RAB27A: variants seen among roughly 807,000 people sequenced by gnomAD.
RAB27A encodes the protein ras-related protein Rab-27A.
A neutral mutation model predicts 20.8 loss-of-function variants in RAB27A; 17 were observed. The observed-to-expected ratio is 0.82, with a 90% CI of 0.56 to 1.23. The LOEUF is 1.23. Ranked by LOEUF, RAB27A falls within the 50% of genes most tolerant of loss-of-function variation. The pLI, the probability that RAB27A is intolerant of heterozygous loss-of-function variation, is 0.00. For missense variants in RAB27A, 277 were observed against 266.7 expected, an observed-to-expected ratio of 1.04 and a Z score of -0.27; for synonymous variants, 85 against 92.8, an observed-to-expected ratio of 0.92 and a Z score of 0.48.
At chr15:55,299,544 G>GAT (rs1012323644) in intron 2 of RAB27A, among the ~76,000 whole-genome samples, 14 of 143,284 alleles carry the variant, frequency 9.8e-5, no homozygotes, top group Non-Finnish European at 3.0e-5. Flanking sequence ...AGTGAGCCAA[G>GAT]ATCACACCAC....
At chr15:55,298,118 T>A (rs1167349716) in intron 2 of RAB27A, among the ~76,000 whole-genome samples, 1 of 149,296 alleles carries the variant, frequency 6.7e-6, no homozygotes, top group South Asian at 2.1e-4. Context: ...GGCAGGAGAA[T>A]GGTGTGAACC....
intron 2 of RAB27A, among the ~76,000 whole-genome samples, chr15:55,296,235 G>A (rs113292541): frequency 4.0e-5 from 6 of 151,230 alleles, no homozygotes; most frequent in East Asian, 4.1e-4. Flanking sequence ...GGCCTGACGC[G>A]GTGGCTCACA....
chr15:55,305,497 G>T (rs1421819835), intron 2 of RAB27A, among the ~76,000 whole-genome samples: 5 of 152,296 alleles, frequency 3.3e-5, no homozygotes, highest in Middle Eastern at 3.4e-3. Flanking sequence ...AAGATACAGG[G>T]TCCAAAGAGG....
At chr15:55,214,299 G>A (rs1308193174) in intron 6 of RAB27A, among the ~76,000 whole-genome samples, 2 of 152,224 alleles carry the variant, frequency 1.3e-5, no homozygotes, top group Non-Finnish European at 2.9e-5. Context: ...AGCCAGGCAT[G>A]GTGGTGGACG....
At chr15:55,313,877 G>A (rs531787897) in intron 2 of RAB27A, 1 of 152,464 alleles carries the variant, frequency 6.6e-6, no homozygotes, top group South Asian at 2.1e-4. Flanking sequence ...GGAGGCTGAG[G>A]CAGGAGAATA....
rs146928166 is a variant in RAB27A, at chr15:55,210,174, C to T, written c.468-4469G>A. ...ATGTATACATACACATACATATATA[C>T]GTACACACATATGTATGTGTGTATA... On this transcript the variant is annotated intron_variant, in intron 6 of 6. Coordinates refer to ENST00000336787, the MANE Select transcript of RAB27A (RefSeq NM_183235.3). Among the ~76,000 whole-genome samples, 528 of 142,718 alleles carry T rather than the reference C, an allele frequency of 3.7e-3. 5 individuals are homozygous for T. The highest frequency in any genetic ancestry group is 4.9e-3 in the Non-Finnish European group (321 of 66,046). 93.6% of individuals were successfully genotyped at this position (142,718 alleles called of 152,430 possible).
intron 1 of RAB27A, among the ~76,000 whole-genome samples, chr15:55,316,913 T>C (rs949400963): frequency 2.0e-5 from 3 of 152,288 alleles, no homozygotes; most frequent in East Asian, 3.9e-4. Flanking sequence ...TAAACCAATC[T>C]AACTGCAGGG....
chr15:55,315,788 G>A (rs900530894), intron 1 of RAB27A, among the ~76,000 whole-genome samples: 2 of 152,138 alleles, frequency 1.3e-5, no homozygotes, highest in African/African-American at 2.4e-5. Context: ...AAATACGAAC[G>A]CTTTTACACT....
intron 1 of RAB27A, among the ~76,000 whole-genome samples, chr15:55,278,689 A>G (rs1488673164): frequency 1.3e-5 from 2 of 151,980 alleles, no homozygotes; most frequent in Admixed American, 1.3e-4. Context: ...TCACCATGTT[A>G]GCCAGGATGG....
At chr15:55,265,516 G>A (rs1897440110) in intron 2 of RAB27A, among the ~76,000 whole-genome samples, 1 of 151,996 alleles carries the variant, frequency 6.6e-6, no homozygotes, top group South Asian at 2.1e-4. Context: ...TCACATGTCA[G>A]CCAAATAAGC....
At chr15:55,215,578 G>C (rs1264162505) in intron 6 of RAB27A, among the ~76,000 whole-genome samples, 1 of 147,994 alleles carries the variant, frequency 6.8e-6, no homozygotes, top group African/African-American at 2.6e-5. Context: ...CGTGAACCCG[G>C]GAAGCGGAGC....
chr15:55,222,870 TG>T (rs1164880212), intron 6 of RAB27A, among the ~76,000 whole-genome samples: 2 of 152,200 alleles, frequency 1.3e-5, no homozygotes, highest in Non-Finnish European at 2.9e-5. Flanking sequence ...AATTTACATA[TG>T]GGTTCTCATT....
chr15:55,299,981 C>T lies in RAB27A; in HGVS notation c.-112+14058G>A, dbSNP rs1166701026. 4.6e-5 allele frequency among the ~76,000 whole-genome samples: 7 copies of T among 151,942 alleles called. No individual in the cohort carries two copies. In the East Asian group the frequency reaches 7.8e-4, roughly 17 times the overall value. On this transcript the variant is annotated intron_variant, in intron 2 of 5. Transcript: ENST00000563262. ...GACTACAGGCGCCCGCCACCACACCCGGCTAATTTTTTGTATTTCTAGTAG... is the reference window on the plus strand; with the variant it reads ...GACTACAGGCGCCCGCCACCACACCTGGCTAATTTTTTGTATTTCTAGTAG...
intron 6 of RAB27A, among the ~76,000 whole-genome samples, chr15:55,218,759 T>TA (rs1895430016): frequency 6.6e-6 from 1 of 151,422 alleles, no homozygotes; most frequent in African/African-American, 2.4e-5. Flanking sequence ...TTTTTTTTTT[T>TA]AGAGGCAGAG....
intron 1 of RAB27A, among the ~76,000 whole-genome samples, chr15:55,272,442 G>A (rs1045403143): frequency 6.6e-6 from 1 of 152,148 alleles, no homozygotes; most frequent in Non-Finnish European, 1.5e-5. Flanking sequence ...GGGGGCTCAG[G>A]AGTCTGTATT....
chr15:55,303,958 G>A (rs945013243), intron 2 of RAB27A, among the ~76,000 whole-genome samples: 2 of 149,450 alleles, frequency 1.3e-5, no homozygotes, highest in Admixed American at 6.6e-5. Context: ...CTGTCTGGGA[G>A]GTGTGCCCAA....
intron 5 of RAB27A, among the ~76,000 whole-genome samples, chr15:55,227,940 A>C (rs920402998): frequency 2.0e-5 from 3 of 152,210 alleles, no homozygotes; most frequent in Non-Finnish European, 4.4e-5. Context: ...CAAACAGGGA[A>C]AATATACATT....
intron 2 of RAB27A, among the ~76,000 whole-genome samples, chr15:55,310,010 GT>G (rs893531577): frequency 6.6e-6 from 1 of 151,944 alleles, no homozygotes; most frequent in Non-Finnish European, 1.5e-5. Flanking sequence ...TTGTCCTTCT[GT>G]TACCCAGACT....
At chr15:55,264,553 T>C (rs1311986781) in intron 2 of RAB27A, among the ~76,000 whole-genome samples, 4 of 152,110 alleles carry the variant, frequency 2.6e-5, no homozygotes, top group Non-Finnish European at 4.4e-5. Flanking sequence ...TGGGAAAGGG[T>C]TGTAGTGTTC....
Sources: allele counts gnomAD v4.1 joint callset (sites outside exome capture counted in the v4.1 genomes callset), GRCh38; gene constraint gnomAD v4.1.1; transcripts MANE v1.5; gene names NCBI Gene and HGNC (gene_info 2026-07-23, HGNC 2026-07-21).